METTL21A: variants seen among roughly 807,000 people sequenced by gnomAD.
METTL21A encodes protein N-lysine methyltransferase METTL21A.
A neutral mutation model predicts 20.9 loss-of-function variants in METTL21A; 22 were observed. The ratio of observed to expected loss-of-function variants is 1.05; its 90% CI spans 0.75 to 1.50. METTL21A has a LOEUF of 1.50. Among genes scored for constraint, METTL21A ranks in the 40% most tolerant of loss-of-function variants. The pLI is 0.00. For missense variants in METTL21A, 271 were observed against 266.8 expected (o/e 1.02, Z -0.11); for synonymous variants, 93 against 102.0 (o/e 0.91, Z 0.53).
At chr2:207,597,188 T>A in intron 3 of METTL21A, 1 of 965,202 alleles carries the variant, frequency 1.0e-6, no homozygotes, top group South Asian at 2.0e-5. Context: ...TGAAAGCAAC[T>A]ACAGAATTTC....
At chr2:207,589,550 G>GACA (rs1408095247) in intron 3 of METTL21A, among the ~76,000 whole-genome samples, 1 of 152,136 alleles carries the variant, frequency 6.6e-6, no homozygotes, top group East Asian at 1.9e-4. Context: ...TTAGTACATG[G>GACA]ACACCTTTGG....
chr2:207,616,363 G>C (rs2089742518), intron 3 of METTL21A, among the ~76,000 whole-genome samples: 1 of 152,218 alleles, frequency 6.6e-6, no homozygotes, highest in Admixed American at 6.5e-5. Flanking sequence ...GCCTGTCCCA[G>C]GCATTTCAAA....
intron 3 of METTL21A, among the ~76,000 whole-genome samples, chr2:207,614,429 AG>A (rs2089417551): frequency 6.6e-6 from 1 of 152,152 alleles, no homozygotes; most frequent in Admixed American, 6.5e-5. Context: ...AAAGATGACA[AG>A]ATACCAAAAA....
At position 207,593,822 on chromosome 2, in the gene METTL21A, G is replaced by A. The variant is rs536086859; in HGVS notation, c.260-11662C>T. Among the ~76,000 whole-genome samples the A allele has an allele frequency of 5.7e-4, 86 of 150,662 alleles. 1 individual carries two copies. Among genetic ancestry groups the A allele is most frequent in the African/African-American group, 2.0e-3 (82 of 40,996 alleles). On this transcript the variant is annotated intron_variant, in intron 3 of 3. Coordinates refer to the METTL21A transcript ENST00000425132. ...CAATCTCTGCCTCCTGGGTTCAAGC[G>A]ATTTTCCTACCTCAGCCTCCCAAGT...
chr2:207,592,918 G>GAAAAAAAAAAAGAAAAAAAAA (rs1034475253), intron 3 of METTL21A, among the ~76,000 whole-genome samples: 1 of 151,822 alleles, frequency 6.6e-6, no homozygotes. Flanking sequence ...TCTCAAAAAA[G>GAAAAAAAAAAAGAAAAAAAAA]AAAAGAAAAT....
chr2:207,602,014 C>A (rs2087142994), intron 3 of METTL21A: 1 of 206,154 alleles, frequency 4.9e-6, no homozygotes, highest in Non-Finnish European at 9.9e-6. Context: ...CTGAACATAT[C>A]ATGAAGCTGA....
intron 3 of METTL21A, chr2:207,596,935 T>C (rs145164313): frequency 2.5e-6 from 4 of 1,610,670 alleles, no homozygotes; most frequent in Non-Finnish European, 2.5e-6. Flanking sequence ...GAGAGTGTCG[T>C]AGAAAGAAGA....
intron 2 of METTL21A, among the ~76,000 whole-genome samples, chr2:207,622,986 C>G (rs2090679280): frequency 6.6e-6 from 1 of 151,960 alleles, no homozygotes; most frequent in Admixed American, 6.6e-5. Context: ...CAGCTCCCTG[C>G]AACCTCTGCC....
At chr2:207,607,114 C>G (rs1298995662), downstream of METTL21A, among the ~76,000 whole-genome samples, 1 of 151,974 alleles carries the variant, frequency 6.6e-6, no homozygotes, top group East Asian at 1.9e-4. Flanking sequence ...TAAGGTCGGG[C>G]CTGGTGGCTC....
intron 3 of METTL21A, among the ~76,000 whole-genome samples, chr2:207,619,712 G>A (rs762503065): frequency 2.0e-5 from 3 of 152,106 alleles, no homozygotes; most frequent in Non-Finnish European, 4.4e-5. Context: ...AACTCTGGTG[G>A]TATCTGAAAT....
chr2:207,603,704 T>C (rs1364944025), intron 3 of METTL21A, among the ~76,000 whole-genome samples: 1 of 152,214 alleles, frequency 6.6e-6, no homozygotes, highest in Non-Finnish European at 1.5e-5. Context: ...CGACCAGCTG[T>C]GTCTGATGTC....
chr2:207,613,960 A>C (rs934758293), intron 3 of METTL21A, among the ~76,000 whole-genome samples: 2 of 152,126 alleles, frequency 1.3e-5, no homozygotes, highest in Non-Finnish European at 2.9e-5. Context: ...GACAAGAGCA[A>C]AACTCCATCT....
intron 3 of METTL21A, chr2:207,602,651 T>C (rs952436377): frequency 9.5e-6 from 2 of 211,302 alleles, no homozygotes; most frequent in Non-Finnish European, 1.9e-5. Flanking sequence ...TCATTGTGTT[T>C]GGGAGGTTTT....
intron 3 of METTL21A, among the ~76,000 whole-genome samples, chr2:207,590,509 C>A (rs1014351189): frequency 3.3e-5 from 5 of 151,634 alleles, no homozygotes; most frequent in Non-Finnish European, 7.4e-5. Context: ...TTTAGTTGTT[C>A]TCTTTCTAGT....
chr2:207,584,376 T>G (rs760870510), intron 3 of METTL21A, among the ~76,000 whole-genome samples: 2 of 152,200 alleles, frequency 1.3e-5, no homozygotes, highest in Non-Finnish European at 2.9e-5. Flanking sequence ...ATGGATATCT[T>G]ATGGTTTTAA....
intron 3 of METTL21A, among the ~76,000 whole-genome samples, chr2:207,588,587 T>C (rs1373959799): frequency 2.6e-5 from 4 of 152,224 alleles, no homozygotes; most frequent in Non-Finnish European, 5.9e-5. Flanking sequence ...AGGATTGTGT[T>C]GTGTCTATAG....
At chr2:207,598,301 T>C (rs2086498392) in intron 3 of METTL21A, 1 of 183,446 alleles carries the variant, frequency 5.5e-6, no homozygotes, top group African/African-American at 2.3e-5. Flanking sequence ...TTTTGTTCTC[T>C]TGTAAAAAGA....
At chr2:207,614,786 C>T (rs530391204) in intron 3 of METTL21A, among the ~76,000 whole-genome samples, 88 of 152,230 alleles carry the variant, frequency 5.8e-4, no homozygotes, top group African/African-American at 1.9e-3. Flanking sequence ...ACCTCATCTA[C>T]GTTGTAGGAA....
At chr2:207,586,107 T>G (rs996499365) in intron 3 of METTL21A, among the ~76,000 whole-genome samples, 1 of 152,172 alleles carries the variant, frequency 6.6e-6, no homozygotes, top group African/African-American at 2.4e-5. Context: ...AAAATTCTTA[T>G]GGAACCAAAA....
Sources: gnomAD v4.1 joint callset for allele counts (sites outside exome capture counted in the v4.1 genomes callset) on GRCh38, gnomAD v4.1.1 for gene constraint, MANE v1.5 for transcripts, NCBI Gene and HGNC (gene_info 2026-07-23, HGNC 2026-07-21) for gene names.